MYH6: variants seen among roughly 807,000 people sequenced by gnomAD.
The protein encoded by MYH6 is myosin heavy chain 6, also known as myosin-6.
In MYH6, 126 loss-of-function variants were observed where a neutral mutation model predicts 223.2. The observed-to-expected ratio is 0.56, with a 90% CI of 0.49 to 0.65. The LOEUF (loss-of-function observed/expected upper bound fraction) is 0.65. Among genes scored for constraint, MYH6 ranks in the 30% least tolerant of loss-of-function variants. MYH6 has a pLI of 0.00. For synonymous variants in MYH6, 978 were observed against 1,010.2 expected (o/e 0.97, Z 0.61); for missense variants, 2,040 against 2,536.4 (o/e 0.80, Z 4.20).
intron 16 of MYH6, 79 bp downstream of exon 16, chr14:23,397,464 T>C: frequency 1.3e-6 from 2 of 1,516,164 alleles, no homozygotes; most frequent in Non-Finnish European, 9.2e-7. Flanking sequence ...AACTCAAGCA[T>C]CAGAATAGGT....
In MYH6 at chr14:23,405,169, G is replaced by A. The variant is rs372271367; in HGVS notation, c.503-42C>T. The A allele has an allele frequency of 1.5e-5, 24 of 1,613,934 alleles. No individual in the cohort carries two copies. In the South Asian group the frequency reaches 1.6e-4, roughly 11 times the overall value. On this transcript the variant is annotated intron_variant, in intron 5 of 38. Coordinates refer to ENST00000405093, the MANE Select transcript of MYH6 (RefSeq NM_002471.4). The surrounding 1 kb of genome is among the most constrained non-coding windows in gnomAD (Gnocchi z 4.7). ...GAGAAGCAATGGGGTCAGGGCTGAG[G>A]ATCTGGGTGGGTGTCTGGGAGGAGG... is the stretch of plus-strand genomic sequence containing the variant.
Position 23,386,528 on chromosome 14 carries a change from G to A in MYH6, c.4746C>T (p.Asp1582=), listed in dbSNP as rs781492953. 3.1e-6 allele frequency: 5 copies of A among 1,614,026 alleles called. No individual in the cohort carries two copies. The highest frequency in any genetic ancestry group is 1.7e-5 in the Admixed American group (1 of 60,018). ...TGCGCTTGGCCTGTTCCATCTCCTC[G>A]TCCTTCTCTGCCAGCTTCCGCTCGA... The part of the protein sequence containing the change: ...AEIERKLAEK[D]EEMEQAKRNH... Residue 1582 remains aspartate (D), a synonymous_variant, in exon 33 of 39, where the codon GAC becomes GAT. Coordinates refer to ENST00000405093, the MANE Select transcript of MYH6 (RefSeq NM_002471.4).
In MYH6 at chr14:23,402,772, G is replaced by A. The variant is rs748779752; in HGVS notation, c.927C>T (p.Tyr309=). 24 of 1,612,032 alleles carry A rather than the reference G, an allele frequency of 1.5e-5. No individual in the cohort carries two copies. The highest frequency in any genetic ancestry group is 1.6e-4 in the Middle Eastern group (1 of 6,084). ...CTCCCTGAGACACGAAGGCGTAGTC[G>A]TAGGGATTGTTGGTGACCAGCAGCA... The part of the protein sequence containing the change: ...LDMLLVTNNP[Y]DYAFVSQGEV... The change falls in exon 11 of 39, where the codon TAC becomes TAT. Residue 309 remains tyrosine, a synonymous_variant. Coordinates refer to ENST00000405093, the MANE Select transcript of MYH6 (RefSeq NM_002471.4).
chr14:23,385,832 C>A, intron 34 of MYH6, 96 bp downstream of exon 34: 1 of 1,548,462 alleles, frequency 6.5e-7, no homozygotes, highest in Admixed American at 1.7e-5. Flanking sequence ...ATTTGTGACC[C>A]TGGCTAGATG....
In MYH6 at chr14:23,407,458, C is replaced by T; in HGVS notation, c.-14+118G>A. 8.2e-7 allele frequency: 1 copy of T among 1,220,306 alleles called. No individual in the cohort carries two copies. The highest frequency in any genetic ancestry group is 2.7e-5 in the East Asian group (1 of 36,476). 75.6% of individuals were successfully genotyped at this position (1,220,306 alleles called of 1,614,324 possible). Reference sequence around the variant, plus strand: ...AGGGGTTTCCCTGGGGTGGCATTGGCTGGAGTATGCTAAGGGTTGGCGCTG... The same window carrying T: ...AGGGGTTTCCCTGGGGTGGCATTGGTTGGAGTATGCTAAGGGTTGGCGCTG... On this transcript the variant is annotated intron_variant, in intron 2 of 38. Coordinates refer to ENST00000405093, the MANE Select transcript of MYH6 (RefSeq NM_002471.4). The surrounding 1 kb of genome is among the most constrained non-coding windows in gnomAD (Gnocchi z 5.6).
rs768560994 is a variant in MYH6, at chr14:23,390,195, G to C, written c.3594C>G (p.His1198Gln). Residue 1198 changes from histidine to glutamine, a missense_variant, in exon 26 of 39, where the codon CAC becomes CAG. Physicochemically the swap from His to Gln is conservative, Grantham distance 24. This residue lies in a region of MYH6 where 1,203 missense variants were observed against 1,400.2 expected (regional missense o/e 0.86). Coordinates refer to ENST00000405093, the MANE Select transcript of MYH6 (RefSeq NM_002471.4). ...EATAAALRKK[H>Q]ADSVAELGEQ... is the part of the protein sequence containing the mutation. ...CGCCCAGCTCGGCCACGCTGTCGGC[G>C]TGCTTCTTGCGCAGGGCCGCGGCAG... 1.2e-6 allele frequency: 2 copies of C among 1,605,818 alleles called. No individual in the cohort carries two copies. The highest frequency in any genetic ancestry group is 1.7e-6 in the Non-Finnish European group (2 of 1,175,082).
chr14:23,402,225 G>A (rs958569942), intron 12 of MYH6, among the ~76,000 whole-genome samples: 2 of 152,166 alleles, frequency 1.3e-5, no homozygotes, highest in Non-Finnish European at 2.9e-5. Context: ...CTGGGGCTGG[G>A]GGAGTCTTGG....
rs374125718 is a variant in MYH6 at position 23,394,701 on chromosome 14, A to G, written c.2430-378T>C. Reference sequence around the variant, plus strand: ...CAAAATGACTATCCATGAACCTACCACTGAAACAGGAGCTGAAATGTTACC... The same window carrying G: ...CAAAATGACTATCCATGAACCTACCGCTGAAACAGGAGCTGAAATGTTACC... On this transcript the variant is annotated intron_variant, in intron 20 of 38. Transcript: ENST00000405093. Among the ~76,000 whole-genome samples the G allele has an allele frequency of 1.2e-3, 181 of 152,254 alleles. 2 individuals are homozygous for G. The highest frequency in any genetic ancestry group is 6.8e-3 in the Middle Eastern group (2 of 294).
intron 15 of MYH6, among the ~76,000 whole-genome samples, chr14:23,397,937 C>CTTCTTCTTCTTCTTCTTCTTT (rs1891456718): frequency 1.2e-4 from 7 of 60,512 alleles, no homozygotes; most frequent in Admixed American, 9.1e-4. Context: ...TCCTCCTCTT[C>CTTCTTCTTCTTCTTCTTCTTT]TTCTTCTTCT....
Position 23,398,861 on chromosome 14 carries a change from A to C in MYH6, c.1758T>G (p.Thr586=). The C allele has an allele frequency of 6.2e-7, 1 of 1,614,182 alleles. No individual in the cohort carries two copies. Among genetic ancestry groups the C allele is most frequent in the Admixed American group, 1.7e-5 (1 of 60,014 alleles). The change falls in exon 15 of 39, where the codon ACT becomes ACG. Residue 586 remains threonine (T), a synonymous_variant. Coordinates refer to ENST00000405093, the MANE Select transcript of MYH6 (RefSeq NM_002471.4). The part of the protein sequence containing the change: ...AHFSLIHYAG[T]VDYNILGWLE... ...GCCAGCCCAGGATGTTGTAGTCCAC[A>C]GTGCCGGCGTAGTGGATCAGGGAGA...
At chr14:23,389,918 G>C in intron 26 of MYH6, 139 bp downstream of exon 26, 1 of 1,553,894 alleles carries the variant, frequency 6.4e-7, no homozygotes, top group Non-Finnish European at 8.8e-7. Flanking sequence ...GCCAGAGAGG[G>C]GCAGGGGAGA....
At position 23,407,049 on chromosome 14, in the gene MYH6, C is replaced by G. The variant is rs377029781; in HGVS notation, c.175G>C (p.Val59Leu). The change falls in exon 3 of 39, where the codon GTC (valine) becomes CTC (leucine). Residue 59 changes from valine to leucine, a missense_variant. Around this residue, in one of 4 missense-constraint regions of MYH6, gnomAD observed 184 missense variants for 232.4 expected, o/e 0.79. Coordinates refer to ENST00000405093, the MANE Select transcript of MYH6 (RefSeq NM_002471.4). The surrounding 1 kb of genome is among the most constrained non-coding windows in gnomAD (Gnocchi z 5.6). ...AKILSREGGK[V>L]IAETENGKTV... The stretch of plus-strand genomic sequence containing the variant: ...TTCCCATTCTCGGTTTCAGCAATGA[C>G]CTTGCCTCCCTCCCGGGACAAAATC... 58 of 1,614,126 alleles carry G rather than the reference C, an allele frequency of 3.6e-5. No homozygotes were observed. The highest frequency in any genetic ancestry group is 4.9e-5 in the Non-Finnish European group (58 of 1,180,064).
intron 16 of MYH6, 121 bp from the exon 17 acceptor site, chr14:23,397,378 T>G: frequency 7.8e-7 from 1 of 1,282,444 alleles, no homozygotes; most frequent in Non-Finnish European, 1.1e-6. Context: ...CCACATAATT[T>G]GTGACGTGAG....
At chr14:23,382,123 C>G in intron 38 of MYH6, 60 bp from the exon 39 acceptor site, 1 of 1,506,696 alleles carries the variant, frequency 6.6e-7, no homozygotes, top group Non-Finnish European at 9.2e-7. Flanking sequence ...TGTGTGGGGA[C>G]AAATCCCTGG....
chr14:23,388,366 G>A lies in MYH6; in HGVS notation c.4176-28C>T, dbSNP rs754782549. On this transcript the variant is annotated intron_variant, in intron 29 of 38. Transcript: ENST00000405093. ...GCCCAGGTGAGGGTGGAGGGTGTGT[G>A]TGTGACTCTACTGGGCAACACTGGA... 13 of 1,611,060 alleles carry A rather than the reference G, an allele frequency of 8.1e-6. No homozygotes were observed. The Admixed American group carries it at 2.0e-4, about 25-fold the overall frequency.
rs1891081885 is a variant in MYH6 at position 23,387,840 on chromosome 14, T to C, written c.4443A>G (p.Thr1481=). Residue 1481 remains threonine, a synonymous_variant, in exon 31 of 39, where the codon ACA becomes ACG. Transcript: ENST00000405093. ...SSQKEARSLS[T]ELFKLKNAYE... ...AGGCGTTCTTGAGCTTGAAGAGCTC[T>C]GTGCTGAGGGAGCGAGCCTCCTTCT... 6.2e-7 allele frequency: 1 copy of C among 1,614,010 alleles called. No individual in the cohort carries two copies. Among genetic ancestry groups the C allele is most frequent in the Non-Finnish European group, 8.5e-7 (1 of 1,180,036 alleles).
intron 30 of MYH6, 54 bp downstream of exon 30, chr14:23,388,101 C>G (rs1891094511): frequency 6.2e-7 from 1 of 1,611,860 alleles, no homozygotes; most frequent in Non-Finnish European, 8.5e-7. Context: ...TCTCACTGAA[C>G]CCCTCATGCC....
chr14:23,386,285 C>T (rs774744693), intron 33 of MYH6, 30 bp downstream of exon 33: 1 of 1,614,026 alleles, frequency 6.2e-7, no homozygotes, highest in South Asian at 1.1e-5. Flanking sequence ...GGAGGCCAGT[C>T]CCCTGAGGGG....
intron 25 of MYH6, among the ~76,000 whole-genome samples, chr14:23,391,001 G>A (rs995950448): frequency 3.9e-5 from 6 of 152,178 alleles, no homozygotes; most frequent in Non-Finnish European, 1.5e-5. Flanking sequence ...GCCCAGGGCT[G>A]GGTTTCAACA....
Sources: allele counts gnomAD v4.1 joint callset (sites outside exome capture counted in the v4.1 genomes callset), GRCh38; gene constraint gnomAD v4.1.1; regional missense constraint gnomAD v4.1.1; non-coding constraint Gnocchi (gnomAD v3.1); transcripts MANE v1.5; gene names NCBI Gene and HGNC (gene_info 2026-07-23, HGNC 2026-07-21).